ACADM: variants seen among roughly 807,000 people sequenced by gnomAD.
ACADM encodes the protein medium-chain specific acyl-CoA dehydrogenase, mitochondrial.
A neutral mutation model predicts 58.9 loss-of-function variants in ACADM; 49 were observed. That is an observed-to-expected ratio of 0.83 (90% CI 0.66 to 1.06). ACADM has a LOEUF of 1.06. Ranked by LOEUF, ACADM falls within the 50% of genes least tolerant of loss-of-function variation. The pLI is 0.00. For synonymous variants in ACADM, 160 were observed against 157.7 expected, an observed-to-expected ratio of 1.01 and a Z score of -0.11; for missense variants, 496 against 507.0, an observed-to-expected ratio of 0.98 and a Z score of 0.21.
At chr1:75,738,839 A>G (rs905089600) in intron 6 of ACADM, among the ~76,000 whole-genome samples, 1 of 152,100 alleles carries the variant, frequency 6.6e-6, no homozygotes, top group African/African-American at 2.4e-5. Context: ...ATTAACTTGC[A>G]CTAACACTTG....
At chr1:75,744,682 G>T in intron 7 of ACADM, 1 of 815,638 alleles carries the variant, frequency 1.2e-6, no homozygotes, top group Non-Finnish European at 2.2e-6. Flanking sequence ...GGAGACCCCA[G>T]GCAGGGAATG....
At position 75,750,555 on chromosome 1, in the gene ACADM, A is replaced by G. The variant is rs768654898; in HGVS notation, c.945+9A>G. Reference sequence around the variant, plus strand: ...GAAAGCTACTTGTAGAGGTAATTTTAATACTGCTTGCTTTGTTCAAATGTA... The same window carrying G: ...GAAAGCTACTTGTAGAGGTAATTTTGATACTGCTTGCTTTGTTCAAATGTA... On this transcript the variant is annotated intron_variant, in intron 10 of 11. Transcript: ENST00000370841. 26 of 1,562,034 alleles carry G rather than the reference A, an allele frequency of 1.7e-5. No homozygotes were observed. In the Admixed American group the frequency reaches 1.8e-4, roughly 11 times the overall value.
At chr1:75,725,472 C>T (rs1243111644) in intron 1 of ACADM, among the ~76,000 whole-genome samples, 1 of 152,176 alleles carries the variant, frequency 6.6e-6, no homozygotes, top group African/African-American at 2.4e-5. Context: ...AGAATTGCTG[C>T]CCATGTTTTG....
chr1:75,749,929 T>C (rs1365527286), intron 9 of ACADM, among the ~76,000 whole-genome samples: 1 of 152,064 alleles, frequency 6.6e-6, no homozygotes, highest in African/African-American at 2.4e-5. Flanking sequence ...GCCAGGATGG[T>C]CTCGATCTCT....
At chr1:75,733,193 C>T in intron 4 of ACADM, 5 of 1,608,352 alleles carry the variant, frequency 3.1e-6, no homozygotes, top group Admixed American at 3.4e-5. Flanking sequence ...GTGTTTTATT[C>T]CTATCTTCTA....
chr1:75,759,028 C>T (rs573304605), intron 10 of ACADM, among the ~76,000 whole-genome samples: 18 of 152,278 alleles, frequency 1.2e-4, no homozygotes, highest in Admixed American at 1.3e-4. Flanking sequence ...CGGAGGTCCG[C>T]GGCTTCATTC....
At chr1:75,733,048 C>T in intron 4 of ACADM, 126 bp downstream of exon 4, 4 of 1,613,348 alleles carry the variant, frequency 2.5e-6, no homozygotes, top group Non-Finnish European at 3.4e-6. Context: ...TCTTCCTGCT[C>T]AGACTACAGT....
chr1:75,760,698 T>G (rs970082903), intron 10 of ACADM, among the ~76,000 whole-genome samples: 13 of 150,782 alleles, frequency 8.6e-5, no homozygotes, highest in Middle Eastern at 3.5e-3. Flanking sequence ...TGGGAAAGAA[T>G]AAGAAGAAAT....
intron 10 of ACADM, among the ~76,000 whole-genome samples, chr1:75,758,932 G>A (rs1208249126): frequency 2.0e-5 from 3 of 152,242 alleles, no homozygotes; most frequent in African/African-American, 7.2e-5. Context: ...CGCTGTGGAA[G>A]CTTTGTTCTT....
At chr1:75,741,204 A>T (rs1388863302) in intron 7 of ACADM, among the ~76,000 whole-genome samples, 1 of 152,190 alleles carries the variant, frequency 6.6e-6, no homozygotes, top group Non-Finnish European at 1.5e-5. Flanking sequence ...TTCAGATTCA[A>T]TATATTTGTG....
intron 7 of ACADM, chr1:75,744,484 G>T (rs1647775750): frequency 2.0e-6 from 3 of 1,533,264 alleles, no homozygotes; most frequent in Non-Finnish European, 1.8e-6. Flanking sequence ...TTCATCTTCT[G>T]CAACTGTGTC....
chr1:75,752,714 A>G (rs1648274592), intron 10 of ACADM, among the ~76,000 whole-genome samples: 1 of 152,164 alleles, frequency 6.6e-6, no homozygotes, highest in African/African-American at 2.4e-5. Flanking sequence ...TTCTTCATTT[A>G]TAATCAATTT....
At chr1:75,748,182 GAGAA>G (rs1182697404) in intron 8 of ACADM, among the ~76,000 whole-genome samples, 4 of 152,004 alleles carry the variant, frequency 2.6e-5, no homozygotes, top group African/African-American at 7.2e-5. Context: ...CATATACAAA[GAGAA>G]AGAGAAATAA....
chr1:75,724,848 T>A, intron 1 of ACADM, 31 bp downstream of exon 1: 6 of 1,458,364 alleles, frequency 4.1e-6, no homozygotes, highest in Non-Finnish European at 5.5e-6. Flanking sequence ...GCGGTGGGGC[T>A]GGAACATGGG....
intron 7 of ACADM, chr1:75,744,029 T>C: frequency 1.3e-6 from 2 of 1,579,508 alleles, no homozygotes; most frequent in South Asian, 1.1e-5. Flanking sequence ...TCATTAAAAA[T>C]TGTCAGCATT....
At chr1:75,735,234 T>C (rs1332237338) in intron 6 of ACADM, among the ~76,000 whole-genome samples, 1 of 147,792 alleles carries the variant, frequency 6.8e-6, no homozygotes, top group East Asian at 2.1e-4. Context: ...AAGAATCGCT[T>C]GAACCCGAAA....
chr1:75,739,718 G>C lies in ACADM; in HGVS notation c.469-262G>C, dbSNP rs114509268. Among the ~76,000 whole-genome samples the C allele has an allele frequency of 8.0e-4, 122 of 152,272 alleles. 1 individual carries two copies. The highest frequency in any genetic ancestry group is 2.9e-3 in the African/African-American group (121 of 41,558). ...TATACACGGGAGGCTGAGGCGGGAG[G>C]ATTTCCTGAGTCCAGGAAGCCAAGA... On this transcript the variant is annotated intron_variant, in intron 6 of 11. Transcript: ENST00000370841.
chr1:75,755,909 G>C (rs1648479293), intron 10 of ACADM, among the ~76,000 whole-genome samples: 1 of 152,210 alleles, frequency 6.6e-6, no homozygotes, highest in Non-Finnish European at 1.5e-5. Flanking sequence ...ATGCAAGGCT[G>C]ATTCAACATA....
intron 9 of ACADM, 127 bp downstream of exon 9, chr1:75,749,686 T>C (rs1557457845): frequency 1.1e-6 from 1 of 887,170 alleles, no homozygotes; most frequent in Non-Finnish European, 1.7e-6. Context: ...ATTAAGGATA[T>C]AGGAAAAATA....
Sources: gnomAD v4.1 joint callset for allele counts (sites outside exome capture counted in the v4.1 genomes callset) on GRCh38, gnomAD v4.1.1 for gene constraint, MANE v1.5 for transcripts, NCBI Gene and HGNC (gene_info 2026-07-23, HGNC 2026-07-21) for gene names.